Variants in POLI observed in about 807,000 individuals in gnomAD.
The protein encoded by POLI is DNA polymerase iota.
POLI carries 58 observed loss-of-function variants against 51.6 expected under a neutral mutation model. The ratio of observed to expected loss-of-function variants is 1.12; its 90% CI spans 0.91 to 1.40. The LOEUF is 1.40. POLI is among the 40% of genes most tolerant of loss of function. POLI has a pLI of 0.00. For missense variants in POLI, 921 were observed against 871.3 expected, an observed-to-expected ratio of 1.06 and a Z score of -0.72; for synonymous variants, 322 against 299.7, an observed-to-expected ratio of 1.07 and a Z score of -0.77.
intron 3 of POLI, among the ~76,000 whole-genome samples, chr18:54,311,558 G>A (rs1008757823): frequency 1.3e-5 from 2 of 152,148 alleles, no homozygotes; most frequent in African/African-American, 2.4e-5. Flanking sequence ...TGTATACTGA[G>A]ACAGAACAAT....
downstream of POLI, among the ~76,000 whole-genome samples, chr18:54,298,958 G>T (rs757395696): frequency 2.6e-5 from 4 of 152,014 alleles, no homozygotes; most frequent in Non-Finnish European, 5.9e-5. Flanking sequence ...AGTAAATATA[G>T]GTATGACTTG....
chr18:54,293,953 C>G lies in POLI; in HGVS notation c.1709C>G (p.Ser570Cys). 1 of 1,612,528 alleles carries G rather than the reference C, an allele frequency of 6.2e-7. No homozygotes were observed. The highest frequency in any genetic ancestry group is 8.5e-7 in the Non-Finnish European group (1 of 1,178,884). The change falls in exon 10 of 10, where the codon TCT becomes TGT. Residue 570 changes from serine to cysteine, a missense_variant. Coordinates refer to ENST00000579534, the MANE Select transcript of POLI (RefSeq NM_007195.3). ...TTACATGCCTCTAGAGGAGTATTAT[C>G]TTTCTTTTCTAAAAAACAAATGCAA... ...CPLHASRGVL[S>C]FFSKKQMQDI...
Position 54,269,521 on chromosome 18 carries a change from G to T in POLI, c.-26G>T. 6.6e-7 allele frequency: 1 copy of T among 1,506,314 alleles called. No individual in the cohort carries two copies. Among genetic ancestry groups the T allele is most frequent in the Non-Finnish European group, 8.8e-7 (1 of 1,131,704 alleles). 93.3% of individuals were successfully genotyped at this position (1,506,314 alleles called of 1,614,324 possible). A position where few individuals can be genotyped will look rare whatever the true frequency, so the allele number is the denominator to read the frequency against. On this transcript the variant is annotated 5_prime_UTR_variant, in exon 1 of 10. Transcript: ENST00000579534. ...GGAGACCAGGCGGAAGCGGCCGGAAGTAGCGCTGCGGTTGGCAGCGGCGGG... is the reference window on the plus strand; with the variant it reads ...GGAGACCAGGCGGAAGCGGCCGGAATTAGCGCTGCGGTTGGCAGCGGCGGG...
intron 5 of POLI, among the ~76,000 whole-genome samples, chr18:54,281,985 T>C (rs1025033281): frequency 6.6e-6 from 1 of 152,168 alleles, no homozygotes; most frequent in African/African-American, 2.4e-5. Context: ...GAATAAAGTA[T>C]GACCGAATTT....
At chr18:54,272,018 T>G (rs985267323) in intron 2 of POLI, among the ~76,000 whole-genome samples, 5 of 152,240 alleles carry the variant, frequency 3.3e-5, no homozygotes, top group African/African-American at 1.2e-4. Flanking sequence ...TTTGTTGATA[T>G]GCTAGCTTGT....
intron 8 of POLI, 165 bp downstream of exon 8, chr18:54,287,576 G>GTTTA (rs1260931329): frequency 1.3e-5 from 7 of 524,842 alleles, no homozygotes; most frequent in Admixed American, 9.6e-5. Flanking sequence ...TTTGTTGTTT[G>GTTTA]TTTATTTATT....
At chr18:54,283,871 AG>A in intron 6 of POLI, 50 bp from the exon 7 acceptor site, 1 of 663,790 alleles carries the variant, frequency 1.5e-6, no homozygotes, top group Admixed American at 3.0e-5. Flanking sequence ...GATAATAATT[AG>A]ATATAGTTAT....
At chr18:54,270,050 G>C in intron 1 of POLI, 1 of 1,000,230 alleles carries the variant, frequency 1.0e-6, no homozygotes, top group Non-Finnish European at 1.2e-6. Context: ...CCGGATCTCA[G>C]TCCTGGCAGG....
intron 3 of POLI, among the ~76,000 whole-genome samples, chr18:54,320,035 A>G (rs1230294039): frequency 2.6e-5 from 4 of 152,196 alleles, no homozygotes; most frequent in African/African-American, 9.7e-5. Flanking sequence ...GGAAAATAGT[A>G]AAAATTGCAT....
intron 2 of POLI, among the ~76,000 whole-genome samples, chr18:54,272,895 T>C (rs2087068576): frequency 6.6e-6 from 1 of 152,114 alleles, no homozygotes; most frequent in Non-Finnish European, 1.5e-5. Flanking sequence ...AAATTATTAT[T>C]ACCTTTGGTT....
intron 3 of POLI, chr18:54,311,094 T>G: frequency 1.0e-6 from 1 of 984,606 alleles, no homozygotes; most frequent in Non-Finnish European, 1.2e-6. Context: ...TGTAGAACTA[T>G]GAATTGAAGA....
Position 54,297,975 on chromosome 18 carries a change from G to C in POLI, c.*3508G>C. The C allele has an allele frequency of 1.9e-5, 19 of 981,132 alleles. No homozygotes were observed. Among genetic ancestry groups the C allele is most frequent in the Non-Finnish European group, 2.3e-5 (19 of 826,128 alleles). The allele number at this position is 981,132 out of a possible 1,614,324, so 60.8% of individuals were successfully genotyped here. ...TAGATTTAGAACTGACATCTCTTGA[G>C]CTGTTCTAAGATAATATCTTTTACT... is the stretch of plus-strand genomic sequence containing the variant. On this transcript the variant is annotated 3_prime_UTR_variant, in exon 10 of 10. Transcript: ENST00000579534.
At chr18:54,299,057 A>C (rs2088444202), downstream of POLI, among the ~76,000 whole-genome samples, 1 of 152,216 alleles carries the variant, frequency 6.6e-6, no homozygotes, top group South Asian at 2.1e-4. Flanking sequence ...GAAACATCAT[A>C]GCTTAGCCAG....
chr18:54,269,753 C>A, intron 1 of POLI, 92 bp downstream of exon 1: 1 of 1,400,856 alleles, frequency 7.1e-7, no homozygotes, highest in South Asian at 1.5e-5. Context: ...CACTGGGGCG[C>A]GACCGTCCCC....
At position 54,277,708 on chromosome 18, in the gene POLI, C is replaced by T. The variant is rs1316472400; in HGVS notation, c.412C>T (p.Leu138=). 12 of 1,582,124 alleles carry T rather than the reference C, an allele frequency of 7.6e-6. 1 individual carries two copies. Among genetic ancestry groups the T allele is most frequent in the African/African-American group, 5.4e-5 (4 of 74,124 alleles). The change falls in exon 4 of 10, where the codon CTG becomes TTG. Residue 138 remains leucine (L), a synonymous_variant. Coordinates refer to ENST00000579534, the MANE Select transcript of POLI (RefSeq NM_007195.3). The part of the protein sequence containing the change: ...REMSYKVTEL[L]EEFSPVVERL... ...CCAATATTATTTCAATTTAGAATTA[C>T]TGGAAGAATTTAGTCCAGTTGTTGA...
intron 3 of POLI, chr18:54,275,161 T>C (rs2087183346): frequency 6.6e-6 from 1 of 152,184 alleles, no homozygotes; most frequent in African/African-American, 2.4e-5. Context: ...GTTTATCAAA[T>C]AGAAATAAAA....
In POLI at chr18:54,296,855, TAA is replaced by T. The variant is rs2088355959; in HGVS notation, c.*2391_*2392del. 1 of 793,842 alleles carries T rather than the reference TAA, an allele frequency of 1.3e-6. No homozygotes were observed. Among genetic ancestry groups the T allele is most frequent in the Admixed American group, 6.2e-5 (1 of 16,018 alleles). 49.2% of individuals were successfully genotyped at this position (793,842 alleles called of 1,614,324 possible). A position where few individuals can be genotyped will look rare whatever the true frequency, so the allele number is the denominator to read the frequency against. ...CCCTTGTAAGTCTGTTTCTAATTTT[TAA>T]AAGTCAAATATATGATATTTTTGAT... On this transcript the variant is annotated 3_prime_UTR_variant, in exon 10 of 10. Transcript: ENST00000579534.
intron 8 of POLI, 137 bp downstream of exon 8, chr18:54,287,548 G>T: frequency 1.7e-6 from 1 of 580,312 alleles, no homozygotes; most frequent in Non-Finnish European, 3.0e-6. Flanking sequence ...ATTCTATCAG[G>T]AATTTTCACT....
intron 8 of POLI, 59 bp downstream of exon 8, chr18:54,287,470 TTGAA>T (rs747504333): frequency 1.6e-4 from 209 of 1,334,100 alleles, no homozygotes; most frequent in Non-Finnish European, 2.1e-4. Flanking sequence ...TAAGCCAACT[TTGAA>T]TGAGAAATAT....
Sources: allele counts gnomAD v4.1 joint callset (sites outside exome capture counted in the v4.1 genomes callset), GRCh38; gene constraint gnomAD v4.1.1; transcripts MANE v1.5; gene names NCBI Gene and HGNC (gene_info 2026-07-23, HGNC 2026-07-21).